Variants in TACC2 observed in about 807,000 individuals in gnomAD.
TACC2 encodes transforming acidic coiled-coil-containing protein 2.
Under a neutral mutation model 227.3 loss-of-function variants are expected in TACC2, and 137 were observed. The observed-to-expected ratio is 0.60, with a 90% CI of 0.52 to 0.69. TACC2 has a LOEUF of 0.69. Ranked by LOEUF, TACC2 falls within the 30% of genes least tolerant of loss-of-function variation. The pLI, the probability that TACC2 is intolerant of heterozygous loss-of-function variation, is 0.00. For synonymous variants in TACC2, 1,523 were observed against 1,487.5 expected (o/e 1.02, Z -0.55); for missense variants, 3,470 against 3,694.4 (o/e 0.94, Z 1.57).
chr10:122,240,994 A>G (rs955054423), intron 18 of TACC2, among the ~76,000 whole-genome samples: 1 of 152,196 alleles, frequency 6.6e-6, no homozygotes, highest in African/African-American at 2.4e-5. Context: ...ATGCTTTGGA[A>G]GAAGATGCGG....
intron 1 of TACC2, 134 bp from the exon 2 acceptor site, chr10:122,021,803 A>C: frequency 1.7e-6 from 1 of 594,100 alleles, no homozygotes; most frequent in East Asian, 2.9e-5. Flanking sequence ...CTTCAAAAGT[A>C]ATTTTCCATG....
chr10:122,248,597 T>A (rs994712251), intron 19 of TACC2, 46 bp from the exon 20 acceptor site: 3 of 1,610,442 alleles, frequency 1.9e-6, no homozygotes, highest in Non-Finnish European at 2.5e-6. Flanking sequence ...AGACCCAGTT[T>A]GGACTTTCTG....
At chr10:122,112,352 G>A (rs1208908955) in intron 5 of TACC2, among the ~76,000 whole-genome samples, 2 of 152,196 alleles carry the variant, frequency 1.3e-5, no homozygotes, top group Non-Finnish European at 2.9e-5. Flanking sequence ...CATGCCAATA[G>A]ATACATAACT....
At chr10:122,155,840 T>TTC (rs1440319581) in intron 7 of TACC2, among the ~76,000 whole-genome samples, 1 of 146,940 alleles carries the variant, frequency 6.8e-6, no homozygotes, top group Non-Finnish European at 1.5e-5. Flanking sequence ...AAAATTTTTT[T>TTC]TTTTTTTTTT....
At position 122,216,773 on chromosome 10, in the gene TACC2, G is replaced by A; in HGVS notation, c.7491G>A (p.Gln2497=). The change falls in exon 11 of 23, where the codon CAG becomes CAA. Residue 2497 remains glutamine (Q), a synonymous_variant. Coordinates refer to ENST00000369005, the MANE Select transcript of TACC2 (RefSeq NM_206862.4). The part of the protein sequence containing the change: ...DLEADKQDYP[Q]PSDLSTFVNE... ...AGGCTGACAAACAGGACTACCCGCA[G>A]CCCTCGGACCTGTCCACCTTTGTAA... The A allele has an allele frequency of 5.0e-6, 8 of 1,614,106 alleles. No individual in the cohort carries two copies. Among genetic ancestry groups the A allele is most frequent in the Non-Finnish European group, 6.8e-6 (8 of 1,180,024 alleles).
intron 18 of TACC2, among the ~76,000 whole-genome samples, chr10:122,240,169 T>C (rs2095955683): frequency 6.6e-6 from 1 of 152,132 alleles, no homozygotes; most frequent in Non-Finnish European, 1.5e-5. Flanking sequence ...GCTAAGGTAT[T>C]TTCAGGTCCC....
In TACC2 at chr10:122,248,990, A is replaced by G; in HGVS notation, c.8554-60A>G. 8 of 1,543,014 alleles carry G rather than the reference A, an allele frequency of 5.2e-6. No individual in the cohort carries two copies. In the Middle Eastern group the frequency reaches 5.1e-4, roughly 98 times the overall value. On this transcript the variant is annotated intron_variant, in intron 20 of 22. Coordinates refer to ENST00000369005, the MANE Select transcript of TACC2 (RefSeq NM_206862.4). ...GCATCCGAGAGTTCCTGGGGTTCCCACCAGTGCTGGGCATTTGTTCTCGTG... is the reference window on the plus strand; with the variant it reads ...GCATCCGAGAGTTCCTGGGGTTCCCGCCAGTGCTGGGCATTTGTTCTCGTG...
chr10:122,030,195 C>CA (rs1376291376), intron 2 of TACC2, among the ~76,000 whole-genome samples: 18 of 152,164 alleles, frequency 1.2e-4, no homozygotes. Context: ...GGTGGGTAAA[C>CA]TTCTTTAACC....
chr10:122,231,142 A>G lies in TACC2; in HGVS notation c.8127+702A>G, dbSNP rs561224861. ...TCCTAGTTTTAGCATGGAGTATGAC[A>G]TTGACAGGGCATGCAGAAATCTTTT... On this transcript the variant is annotated intron_variant, in intron 16 of 22. Coordinates refer to ENST00000369005, the MANE Select transcript of TACC2 (RefSeq NM_206862.4). Among the ~76,000 whole-genome samples the G allele has an allele frequency of 6.6e-5, 10 of 152,348 alleles. 1 individual carries two copies. In the South Asian group the frequency reaches 1.9e-3, roughly 28 times the overall value.
rs146971445 is a variant in TACC2 at position 122,244,482 on chromosome 10, G to A, written c.8392+2481G>A. ...TTGCAGGTCATTGACTAAGGTCACC[G>A]TAGATTTCAAGGTCCTTGTGTCCTT... On this transcript the variant is annotated intron_variant, in intron 19 of 22. Transcript: ENST00000369005. 1.2e-3 allele frequency among the ~76,000 whole-genome samples: 190 copies of A among 152,286 alleles called. 1 individual carries two copies. The highest frequency in any genetic ancestry group is 7.7e-3 in the East Asian group (40 of 5,176).
At chr10:122,053,367 T>C (rs1461725024) in intron 3 of TACC2, among the ~76,000 whole-genome samples, 1 of 151,626 alleles carries the variant, frequency 6.6e-6, no homozygotes, top group African/African-American at 2.4e-5. Context: ...CCAGCCCCCA[T>C]GATTCAGTCA....
At chr10:122,092,458 A>G (rs898858187) in intron 5 of TACC2, among the ~76,000 whole-genome samples, 1 of 152,208 alleles carries the variant, frequency 6.6e-6, no homozygotes, top group African/African-American at 2.4e-5. Context: ...GCTTCTGTGG[A>G]TTGAATTTTG....
At position 122,084,096 on chromosome 10, in the gene TACC2, C is replaced by A. The variant is rs1427508227; in HGVS notation, c.1596C>A (p.Pro532=). ...QSHEVQPGAP[P]PPLPKAPSES... ...ATGAGGTCCAACCAGGAGCACCACC[C>A]CCTCCTCTTCCCAAGGCACCAAGTG... Residue 532 remains proline, a synonymous_variant, in exon 4 of 23, where the codon CCC becomes CCA. Transcript: ENST00000369005. The A allele has an allele frequency of 6.2e-7, 1 of 1,614,068 alleles. No individual in the cohort carries two copies. Among genetic ancestry groups the A allele is most frequent in the South Asian group, 1.1e-5 (1 of 91,086 alleles).
chr10:121,995,969 G>T (rs931020979), intron 1 of TACC2, among the ~76,000 whole-genome samples: 5 of 152,138 alleles, frequency 3.3e-5, no homozygotes, highest in Admixed American at 6.6e-5. Flanking sequence ...GGCCAGGCTG[G>T]TCTCAAACTC....
chr10:122,179,706 C>T lies in TACC2; in HGVS notation c.5835-15334C>T, dbSNP rs756869131. ...CTGTAACCCCAACACTTTAGGAAGC[C>T]GAGGCAGGAGGATCACTTGAGCCCA... On this transcript the variant is annotated intron_variant, in intron 7 of 22. Coordinates refer to ENST00000369005, the MANE Select transcript of TACC2 (RefSeq NM_206862.4). Among the ~76,000 whole-genome samples the T allele has an allele frequency of 4.6e-5, 7 of 152,234 alleles. No individual in the cohort carries two copies. The East Asian group carries it at 5.8e-4, about 13-fold the overall frequency.
chr10:122,001,759 T>C (rs1467926970), intron 1 of TACC2, among the ~76,000 whole-genome samples: 1 of 152,228 alleles, frequency 6.6e-6, no homozygotes, highest in Non-Finnish European at 1.5e-5. Context: ...AAGGCACTTT[T>C]CCATTTCCCC....
chr10:122,084,928 G>C lies in TACC2; in HGVS notation c.2428G>C (p.Gly810Arg), dbSNP rs1452375961. 3 of 1,614,028 alleles carry C rather than the reference G, an allele frequency of 1.9e-6. No individual in the cohort carries two copies. The highest frequency in any genetic ancestry group is 2.5e-6 in the Non-Finnish European group (3 of 1,180,042). ...TCAGCAGGGAATCCCATCCTGCCCA[G>C]GGGAAGGCTGGATAAGAGGAGCTGC... ...QDQQGIPSCP[G>R]EGWIRGAASE... The change falls in exon 4 of 23, where the codon GGG (glycine) becomes CGG (arginine). Residue 810 changes from glycine (G) to arginine (R), a missense_variant. Gly to Arg is a moderately radical substitution (Grantham distance 125, BLOSUM62 -2). Around this residue, in one of 10 missense-constraint regions of TACC2, gnomAD observed 1,924 missense variants for 1,978.3 expected, o/e 0.97. Coordinates refer to ENST00000369005, the MANE Select transcript of TACC2 (RefSeq NM_206862.4).
chr10:122,154,607 C>T (rs1201604798), intron 7 of TACC2, among the ~76,000 whole-genome samples: 1 of 152,196 alleles, frequency 6.6e-6, no homozygotes, highest in East Asian at 1.9e-4. Flanking sequence ...ATTTTCTTCC[C>T]ATGTACACAT....
At chr10:122,164,379 A>T (rs2093023015) in intron 7 of TACC2, among the ~76,000 whole-genome samples, 1 of 152,228 alleles carries the variant, frequency 6.6e-6, no homozygotes, top group Non-Finnish European at 1.5e-5. Context: ...GCCCGGGGCG[A>T]CAGCCCAGTT....
Sources: gnomAD v4.1 joint callset for allele counts (sites outside exome capture counted in the v4.1 genomes callset) on GRCh38, gnomAD v4.1.1 for gene constraint, gnomAD v4.1.1 regional missense constraint, MANE v1.5 for transcripts, NCBI Gene and HGNC (gene_info 2026-07-23, HGNC 2026-07-21) for gene names.